Variants in SNX16 observed in about 807,000 individuals in gnomAD.
SNX16 encodes sorting nexin-16.
A neutral mutation model predicts 36.7 loss-of-function variants in SNX16; 35 were observed. The ratio of observed to expected loss-of-function variants is 0.95; its 90% CI spans 0.73 to 1.27. The LOEUF is 1.27. SNX16 is among the 50% of genes most tolerant of loss of function. The pLI is 0.00. For synonymous variants in SNX16, 134 were observed against 132.0 expected, an observed-to-expected ratio of 1.02 and a Z score of -0.10; for missense variants, 367 against 393.6, an observed-to-expected ratio of 0.93 and a Z score of 0.57.
In SNX16 at chr8:81,801,432, A is replaced by G; in HGVS notation, c.*65T>C. 1 of 886,526 alleles carries G rather than the reference A, an allele frequency of 1.1e-6. No homozygotes were observed. 54.9% of individuals were successfully genotyped at this position (886,526 alleles called of 1,614,324 possible). A position where few individuals can be genotyped will look rare whatever the true frequency, so the allele number is the denominator to read the frequency against. ...TTTACAGTTCTTGGTTCTTCTTTTA[A>G]AATAGTATTTGCCACTCTTCTAAAT... On this transcript the variant is annotated 3_prime_UTR_variant, in exon 8 of 8. Transcript: ENST00000345957.
intron 3 of SNX16, among the ~76,000 whole-genome samples, chr8:81,825,587 A>G (rs1374446097): frequency 6.6e-6 from 1 of 152,208 alleles, no homozygotes; most frequent in Non-Finnish European, 1.5e-5. Context: ...TCATAGTTGC[A>G]TCTTTAATGT....
chr8:81,841,388 C>T (rs896757858), intron 1 of SNX16, among the ~76,000 whole-genome samples: 3 of 149,168 alleles, frequency 2.0e-5, no homozygotes, highest in African/African-American at 7.4e-5. Flanking sequence ...CTCTCGGCAA[C>T]ATTTCCCCAT....
intron 3 of SNX16, among the ~76,000 whole-genome samples, chr8:81,824,597 T>C (rs547566850): frequency 2.6e-5 from 4 of 152,314 alleles, no homozygotes; most frequent in African/African-American, 9.6e-5. Flanking sequence ...CCTAAAAGTT[T>C]AGTTTTAACT....
chr8:81,815,625 G>T, intron 4 of SNX16: 1 of 357,484 alleles, frequency 2.8e-6, no homozygotes, highest in Non-Finnish European at 5.3e-6. Flanking sequence ...AAACTATGGG[G>T]CATAAAACAT....
chr8:81,800,576 A>C lies in SNX16; in HGVS notation c.*921T>G, dbSNP rs1809639512. 6.6e-6 allele frequency: 1 copy of C among 152,360 alleles called. No individual in the cohort carries two copies. Among genetic ancestry groups the C allele is most frequent in the African/African-American group, 2.4e-5 (1 of 41,464 alleles). The allele number at this position is 152,360 out of a possible 1,614,324, so 9.4% of individuals were successfully genotyped here. On this transcript the variant is annotated 3_prime_UTR_variant, in exon 8 of 8. Transcript: ENST00000345957. ...AAAAGAAAATCAGCCATAATACAGT[A>C]TAACAACATCTTCACACAAATAGAA...
chr8:81,823,010 C>T (rs994459456), intron 4 of SNX16, among the ~76,000 whole-genome samples: 3 of 141,074 alleles, frequency 2.1e-5, no homozygotes, highest in African/African-American at 5.3e-5. Context: ...ATATATATAT[C>T]GCACGTGTGT....
At chr8:81,817,130 G>A (rs1474878409) in intron 4 of SNX16, among the ~76,000 whole-genome samples, 1 of 152,126 alleles carries the variant, frequency 6.6e-6, no homozygotes, top group Admixed American at 6.5e-5. Flanking sequence ...TAGCACTTAA[G>A]ACTGAAAGCA....
intron 4 of SNX16, among the ~76,000 whole-genome samples, chr8:81,820,068 T>C (rs1810663861): frequency 6.6e-6 from 1 of 152,058 alleles, no homozygotes; most frequent in Admixed American, 6.6e-5. Flanking sequence ...ATACTAAGCT[T>C]TTTCTATGTT....
intron 2 of SNX16, among the ~76,000 whole-genome samples, chr8:81,836,200 CA>C (rs1339359495): frequency 6.6e-6 from 1 of 152,174 alleles, no homozygotes; most frequent in Non-Finnish European, 1.5e-5. Flanking sequence ...TGTCTTTAAA[CA>C]ACCTTTTTAA....
chr8:81,833,888 G>C (rs1451995), intron 2 of SNX16, among the ~76,000 whole-genome samples: 52,877 of 151,954 alleles, frequency 0.35, 9,520 homozygotes, highest in East Asian at 0.61. Flanking sequence ...TTTATTTGAA[G>C]TTTCATATGT....
chr8:81,830,504 G>A (rs536799333), intron 2 of SNX16, among the ~76,000 whole-genome samples: 160 of 151,430 alleles, frequency 1.1e-3, no homozygotes, highest in Non-Finnish European at 1.8e-3. Context: ...CCAGGAGGCG[G>A]AGCTTGCAGT....
At chr8:81,803,352 T>C (rs1809793348) in intron 5 of SNX16, 124 bp from the exon 6 acceptor site, 2 of 974,384 alleles carry the variant, frequency 2.1e-6, no homozygotes, top group Middle Eastern at 6.7e-4. Flanking sequence ...AAAATAATAG[T>C]ATGAAACTCC....
chr8:81,811,108 G>A (rs935180725), intron 5 of SNX16, among the ~76,000 whole-genome samples: 1 of 152,162 alleles, frequency 6.6e-6, no homozygotes, highest in African/African-American at 2.4e-5. Context: ...TCCTTGAGCT[G>A]GAAAAGGAGT....
In SNX16 at chr8:81,803,167, TG is replaced by T; in HGVS notation, c.742del (p.Gln248LysfsTer7). On this transcript the variant is annotated frameshift_variant, in exon 6 of 8. Transcript: ENST00000345957. LOFTEE classifies it high-confidence loss of function. ...TTTCTTTAGTGATTCCATCTCCTTTTGTTTTTCAAGTAGTTCTTTCTGTAAG... is the reference window on the plus strand; with the variant it reads ...TTTCTTTAGTGATTCCATCTCCTTTTTTTTTCAAGTAGTTCTTTCTGTAAG... The part of the protein sequence containing the change: ...YRLQKELLEK[Q>X]KEMESLKKLL... 6.2e-7 allele frequency: 1 copy of T among 1,612,362 alleles called. No individual in the cohort carries two copies. The highest frequency in any genetic ancestry group is 8.5e-7 in the Non-Finnish European group (1 of 1,178,990).
chr8:81,823,969 T>C lies in SNX16; in HGVS notation c.463-29A>G, dbSNP rs769531252. The C allele has an allele frequency of 3.8e-6, 6 of 1,592,622 alleles. No individual in the cohort carries two copies. In the African/African-American group the frequency reaches 6.8e-5, roughly 18 times the overall value. ...AAAAAGAAGAAAAGAGCAAATACAA[T>C]GTTTAACTCAAGCACTATCAATTCT... is the stretch of plus-strand genomic sequence containing the variant. On this transcript the variant is annotated intron_variant, in intron 3 of 7. Coordinates refer to ENST00000345957, the MANE Select transcript of SNX16 (RefSeq NM_152836.3).
At chr8:81,805,915 T>C (rs552296638) in intron 5 of SNX16, among the ~76,000 whole-genome samples, 188 of 150,934 alleles carry the variant, frequency 1.2e-3, no homozygotes, top group Admixed American at 4.9e-3. Context: ...AGCAAGACTC[T>C]TATCTCAAAA....
chr8:81,832,660 T>A (rs988740928), intron 2 of SNX16, among the ~76,000 whole-genome samples: 2 of 151,826 alleles, frequency 1.3e-5, no homozygotes, highest in Non-Finnish European at 2.9e-5. Flanking sequence ...GGCTACTGAG[T>A]AGAAAAACTT....
rs755915859 is a variant in SNX16, at chr8:81,803,117, T to C, written c.793A>G (p.Ile265Val). 9 of 1,610,430 alleles carry C rather than the reference T, an allele frequency of 5.6e-6. No individual in the cohort carries two copies. In the Admixed American group the frequency reaches 8.4e-5, roughly 15 times the overall value. Residue 265 changes from isoleucine to valine, a missense_variant, in exon 6 of 8, where the codon ATA becomes GTA. Physicochemically the swap from Ile to Val is conservative, Grantham distance 29. Coordinates refer to ENST00000345957, the MANE Select transcript of SNX16 (RefSeq NM_152836.3). Reference sequence around the variant, plus strand: ...CTGATTCTGTTCTCTAAAGTGTCTATATGAAGTTGCTTCTCACTGAGCAGT... The same window carrying C: ...CTGATTCTGTTCTCTAAAGTGTCTACATGAAGTTGCTTCTCACTGAGCAGT... ...KKLLSEKQLH[I>V]DTLENRIRTL...
intron 4 of SNX16, among the ~76,000 whole-genome samples, chr8:81,821,147 C>T (rs1810724227): frequency 6.7e-6 from 1 of 150,196 alleles, no homozygotes; most frequent in Non-Finnish European, 1.5e-5. Flanking sequence ...TTTCTTAGAA[C>T]CTTTAATCCT....
Sources: allele counts gnomAD v4.1 joint callset (sites outside exome capture counted in the v4.1 genomes callset), GRCh38; gene constraint gnomAD v4.1.1; transcripts MANE v1.5; gene names NCBI Gene and HGNC (gene_info 2026-07-23, HGNC 2026-07-21).